Variants in RPA2 observed in about 807,000 individuals in gnomAD.
The protein encoded by RPA2 is replication protein A2.
RPA2 carries 22 observed loss-of-function variants against 33.4 expected under a neutral mutation model. That is an observed-to-expected ratio of 0.66 (90% CI 0.47 to 0.94). The LOEUF is 0.94. Ranked by LOEUF, RPA2 falls within the 40% of genes least tolerant of loss-of-function variation. The pLI is 0.00. For synonymous variants in RPA2, 109 were observed against 114.9 expected (o/e 0.95, Z 0.33); for missense variants, 279 against 329.9 (o/e 0.85, Z 1.19).
chr1:27,912,208 G>A (rs1056146243), intron 2 of RPA2, among the ~76,000 whole-genome samples: 1 of 151,936 alleles, frequency 6.6e-6, no homozygotes, highest in African/African-American at 2.4e-5. Context: ...CTAAAGAGAA[G>A]TCAAATTAAC....
chr1:27,907,240 G>A lies in RPA2; in HGVS notation c.160C>T (p.Leu54=). ...QHIVPCTISQ[L]LSATLVDEVF... is the part of the protein sequence containing the mutation. ...TCATCAACCAAAGTGGCAGAAAGCA[G>A]CTGAGATATAGTACAGGGCACAATG... The change falls in exon 3 of 9, where the codon CTG becomes TTG. Residue 54 remains leucine, a synonymous_variant. Coordinates refer to ENST00000373912, the MANE Select transcript of RPA2 (RefSeq NM_002946.5). The A allele has an allele frequency of 6.2e-7, 1 of 1,614,052 alleles. No homozygotes were observed. The highest frequency in any genetic ancestry group is 8.5e-7 in the Non-Finnish European group (1 of 1,180,004).
At chr1:27,897,414 A>G (rs1457699349) in intron 5 of RPA2, among the ~76,000 whole-genome samples, 1 of 152,116 alleles carries the variant, frequency 6.6e-6, no homozygotes, top group Non-Finnish European at 1.5e-5. Context: ...ACAGATAGCA[A>G]TTGTAGAAGG....
chr1:27,913,235 G>C (rs908950519), intron 2 of RPA2, among the ~76,000 whole-genome samples: 15 of 151,488 alleles, frequency 9.9e-5, no homozygotes, highest in African/African-American at 3.4e-4. Flanking sequence ...TTACGGGCGT[G>C]AGCCACCGCG....
chr1:27,904,039 CT>C (rs1269904458), intron 4 of RPA2, among the ~76,000 whole-genome samples: 12 of 151,810 alleles, frequency 7.9e-5, no homozygotes, highest in Non-Finnish European at 1.3e-4. Flanking sequence ...TGGCACATGC[CT>C]GTAATCCCAG....
intron 2 of RPA2, among the ~76,000 whole-genome samples, chr1:27,913,637 C>A (rs557659481): frequency 6.6e-6 from 1 of 151,334 alleles, no homozygotes; most frequent in Non-Finnish European, 1.5e-5. Flanking sequence ...TAAGTTCAGG[C>A]CAGGAGCAGT....
chr1:27,896,892 G>T (rs2089899192), intron 6 of RPA2, 113 bp downstream of exon 6: 1 of 684,194 alleles, frequency 1.5e-6, no homozygotes, highest in Non-Finnish European at 2.6e-6. Flanking sequence ...AGGACTTAGT[G>T]ATGTCTTTCT....
At chr1:27,913,495 G>A (rs1557476977) in intron 2 of RPA2, among the ~76,000 whole-genome samples, 1 of 151,608 alleles carries the variant, frequency 6.6e-6, no homozygotes, top group Non-Finnish European at 1.5e-5. Flanking sequence ...CGCTGAAGCA[G>A]GAGAATCGCT....
rs11538306 is a variant in RPA2 at position 27,914,481 on chromosome 1, C to T, written c.-38G>A. 0.045 allele frequency: 72,010 copies of T among 1,591,024 alleles called. 2,106 individuals carry two copies. Among genetic ancestry groups the T allele is most frequent in the Non-Finnish European group, 0.051 (60,062 of 1,167,706 alleles). On this transcript the variant is annotated 5_prime_UTR_variant, in exon 1 of 9. Coordinates refer to ENST00000373912, the MANE Select transcript of RPA2 (RefSeq NM_002946.5). Reference sequence around the variant, plus strand: ...TCTCCGCAAAGAGGCCGAGAAGGTGCGGGTCTGGGGGAATAGCGGAAAACC... The same window carrying T: ...TCTCCGCAAAGAGGCCGAGAAGGTGTGGGTCTGGGGGAATAGCGGAAAACC...
chr1:27,903,077 G>C (rs1381953419), intron 4 of RPA2, among the ~76,000 whole-genome samples: 1 of 152,044 alleles, frequency 6.6e-6, no homozygotes, highest in East Asian at 1.9e-4. Flanking sequence ...TTATAGGTGT[G>C]TGCCACCACG....
intron 4 of RPA2, among the ~76,000 whole-genome samples, chr1:27,898,259 A>G (rs1230170101): frequency 6.6e-6 from 1 of 152,218 alleles, no homozygotes; most frequent in Non-Finnish European, 1.5e-5. Flanking sequence ...ATTTAGATTT[A>G]TCATAGTATA....
At position 27,900,830 on chromosome 1, in the gene RPA2, A is replaced by G. The variant is rs775516933; in HGVS notation, c.334-3123T>C. On this transcript the variant is annotated intron_variant, in intron 4 of 8. Transcript: ENST00000373912. ...CAGGCATGTACCACCATGCCCAGCTAAATTTTTTATTTTTAGTAGAGACGA... is the reference window on the plus strand; with the variant it reads ...CAGGCATGTACCACCATGCCCAGCTGAATTTTTTATTTTTAGTAGAGACGA... 4.1e-4 allele frequency among the ~76,000 whole-genome samples: 63 copies of G among 152,116 alleles called. 1 individual carries two copies. The highest frequency in any genetic ancestry group is 6.8e-3 in the Middle Eastern group (2 of 294).
rs1419388190 is a variant in RPA2, at chr1:27,907,011, C to G, written c.250G>C (p.Glu84Gln). ...TAAACAATGTTGGTTGGAGCCTTCT[C>G]TGCATGTCTGATGATCCCCACAATA... is the stretch of plus-strand genomic sequence containing the variant. ...VTIVGIIRHA[E>Q]KAPTNIVYKI... Residue 84 changes from glutamate to glutamine, a missense_variant, in exon 4 of 9, where the codon GAG becomes CAG. This residue lies in a region of RPA2 where 274 missense variants were observed against 310.3 expected (regional missense o/e 0.88). Coordinates refer to ENST00000373912, the MANE Select transcript of RPA2 (RefSeq NM_002946.5). The G allele has an allele frequency of 6.2e-7, 1 of 1,613,244 alleles. No homozygotes were observed. Among genetic ancestry groups the G allele is most frequent in the Non-Finnish European group, 8.5e-7 (1 of 1,179,886 alleles).
At chr1:27,906,897 A>C (rs1571619096) in intron 4 of RPA2, 31 bp downstream of exon 4, 2 of 1,477,366 alleles carry the variant, frequency 1.4e-6, no homozygotes, top group Non-Finnish European at 1.9e-6. Context: ...TTCCAAAGTA[A>C]CCCCATCATG....
chr1:27,906,960 G>A lies in RPA2; in HGVS notation c.301C>T (p.Pro101Ser). Residue 101 changes from proline (P) to serine (S), a missense_variant, in exon 4 of 9, where the codon CCC becomes TCC. Pro to Ser is a moderately conservative substitution (Grantham distance 74). Transcript: ENST00000373912. Reference sequence around the variant, plus strand: ...TCAACCCACTGGCGAACGTCCATGGGTGCAGCTGTCATGTCATCTATTTTG... The same window carrying A: ...TCAACCCACTGGCGAACGTCCATGGATGCAGCTGTCATGTCATCTATTTTG... The part of the protein sequence containing the change: ...VYKIDDMTAA[P>S]MDVRQWVDTD... 1.2e-6 allele frequency: 2 copies of A among 1,613,692 alleles called. No individual in the cohort carries two copies. The highest frequency in any genetic ancestry group is 1.7e-6 in the Non-Finnish European group (2 of 1,179,894).
At chr1:27,913,574 T>G (rs2090128024) in intron 2 of RPA2, among the ~76,000 whole-genome samples, 3 of 140,796 alleles carry the variant, frequency 2.1e-5, no homozygotes, top group Non-Finnish European at 1.5e-5. Flanking sequence ...GGCAACAGAG[T>G]GAGGTTCCAT....
chr1:27,911,411 G>A (rs1357811455), intron 2 of RPA2, among the ~76,000 whole-genome samples: 1 of 152,054 alleles, frequency 6.6e-6, no homozygotes, highest in East Asian at 1.9e-4. Flanking sequence ...CAACTTACAA[G>A]CATTATTCTC....
At chr1:27,895,663 G>A (rs1326816203) in intron 6 of RPA2, among the ~76,000 whole-genome samples, 2 of 152,002 alleles carry the variant, frequency 1.3e-5, no homozygotes, top group Non-Finnish European at 2.9e-5. Flanking sequence ...CCCGGGAGGC[G>A]GAGCTTGCAG....
At chr1:27,894,188 G>T in intron 7 of RPA2, 82 bp from the exon 8 acceptor site, 1 of 1,498,542 alleles carries the variant, frequency 6.7e-7, no homozygotes, top group Non-Finnish European at 9.3e-7. Context: ...TTATAGAAAA[G>T]AAATGAACCA....
intron 5 of RPA2, 65 bp downstream of exon 5, chr1:27,897,568 A>G: frequency 1.7e-6 from 2 of 1,188,170 alleles, no homozygotes; most frequent in Non-Finnish European, 2.4e-6. Flanking sequence ...TCCAAAAGCC[A>G]TGACATGAAT....
Sources: gnomAD v4.1 joint callset for allele counts (sites outside exome capture counted in the v4.1 genomes callset) on GRCh38, gnomAD v4.1.1 for gene constraint, gnomAD v4.1.1 regional missense constraint, MANE v1.5 for transcripts, NCBI Gene and HGNC (gene_info 2026-07-23, HGNC 2026-07-21) for gene names.